The following CTNNA2 variants were observed in gnomAD, a reference collection of about 807,000 sequenced individuals.
CTNNA2 encodes the protein catenin alpha-2.
In CTNNA2, 42 loss-of-function variants were observed where a neutral mutation model predicts 101.0. That is an observed-to-expected ratio of 0.42 (90% CI 0.32 to 0.54). The LOEUF (loss-of-function observed/expected upper bound fraction) is 0.54, where lower values mean the gene tolerates loss of function less well. Ranked by LOEUF, CTNNA2 falls within the 20% of genes least tolerant of loss-of-function variation. The pLI, the probability that CTNNA2 is intolerant of heterozygous loss-of-function variation, is 0.14. For missense variants in CTNNA2, 871 were observed against 1,223.1 expected (o/e 0.71, Z 4.29); for synonymous variants, 450 against 456.4 (o/e 0.99, Z 0.18).
chr2:79,249,432 G>A (rs777642761), intron 2 of CTNNA2, among the ~76,000 whole-genome samples: 9 of 152,118 alleles, frequency 5.9e-5, no homozygotes, highest in Non-Finnish European at 1.0e-4. Flanking sequence ...TCACCTGGAC[G>A]TTAATCAAAT....
At chr2:79,982,099 C>T (rs550515852) in intron 7 of CTNNA2, among the ~76,000 whole-genome samples, 2 of 148,370 alleles carry the variant, frequency 1.3e-5, no homozygotes, top group African/African-American at 5.0e-5. Flanking sequence ...AGTGCAGTGG[C>T]ATGATCACAG....
At chr2:79,245,482 A>G (rs181641873) in intron 2 of CTNNA2, among the ~76,000 whole-genome samples, 1 of 152,170 alleles carries the variant, frequency 6.6e-6, no homozygotes, top group Non-Finnish European at 1.5e-5. Flanking sequence ...ATACCAGCAT[A>G]TACTACTTTC....
At chr2:79,933,325 C>A (rs1008873056) in intron 7 of CTNNA2, among the ~76,000 whole-genome samples, 1 of 152,116 alleles carries the variant, frequency 6.6e-6, no homozygotes, top group East Asian at 1.9e-4. Context: ...ACCTTTCTAA[C>A]AACACTGTTC....
chr2:79,422,880 C>G (rs1186689074), intron 4 of CTNNA2, among the ~76,000 whole-genome samples: 1 of 152,168 alleles, frequency 6.6e-6, no homozygotes, highest in Non-Finnish European at 1.5e-5. Context: ...CCAGCCAGAT[C>G]ATCATTAATT....
chr2:80,423,350 T>C (rs764656522), intron 9 of CTNNA2, among the ~76,000 whole-genome samples: 5 of 152,184 alleles, frequency 3.3e-5, no homozygotes, highest in Non-Finnish European at 7.4e-5. Context: ...TGCTTAAGTC[T>C]GGTTATTTTC....
At chr2:80,156,087 T>C (rs1444244827) in intron 7 of CTNNA2, among the ~76,000 whole-genome samples, 1 of 152,210 alleles carries the variant, frequency 6.6e-6, no homozygotes, top group African/African-American at 2.4e-5. Flanking sequence ...ATGTGGATGC[T>C]GTTGGTCCTG....
intron 7 of CTNNA2, among the ~76,000 whole-genome samples, chr2:80,107,749 C>T (rs369246555): frequency 6.6e-5 from 10 of 152,328 alleles, no homozygotes; most frequent in South Asian, 4.1e-4. Flanking sequence ...TGTCCATGGA[C>T]GGCAGAGCTA....
chr2:79,785,041 TCTTTCTAC>T (rs1403410287), intron 3 of CTNNA2, among the ~76,000 whole-genome samples: 1 of 152,152 alleles, frequency 6.6e-6, no homozygotes, highest in Non-Finnish European at 1.5e-5. Context: ...TATGGACATG[TCTTTCTAC>T]CTCTCTGATC....
intron 7 of CTNNA2, among the ~76,000 whole-genome samples, chr2:80,042,735 G>A (rs192774003): frequency 6.6e-6 from 1 of 152,160 alleles, no homozygotes; most frequent in Non-Finnish European, 1.5e-5. Flanking sequence ...CATTTGGAGG[G>A]GTTAGAGGGA....
Position 79,599,015 on chromosome 2 carries a change from A to T in CTNNA2, c.-5-52537A>T, listed in dbSNP as rs1244688655. Reference sequence around the variant, plus strand: ...GTCTATATCTAGACCGCTTTTTTTAATGTGAATATCCAGTTTTTCCAACAC... The same window carrying T: ...GTCTATATCTAGACCGCTTTTTTTATTGTGAATATCCAGTTTTTCCAACAC... On this transcript the variant is annotated intron_variant, in intron 1 of 18. Transcript: ENST00000402739. Among the ~76,000 whole-genome samples, 3 of 152,110 alleles carry T rather than the reference A, an allele frequency of 2.0e-5. No individual in the cohort carries two copies. The East Asian group carries it at 5.8e-4, about 29-fold the overall frequency.
At chr2:79,261,432 A>C (rs1674919846) in intron 2 of CTNNA2, among the ~76,000 whole-genome samples, 1 of 152,340 alleles carries the variant, frequency 6.6e-6, no homozygotes, top group East Asian at 1.9e-4. Context: ...TTAAGATGCA[A>C]AGTTGGTGTA....
chr2:79,705,186 C>T (rs1285690888), intron 2 of CTNNA2, among the ~76,000 whole-genome samples: 1 of 152,180 alleles, frequency 6.6e-6, no homozygotes, highest in Non-Finnish European at 1.5e-5. Flanking sequence ...AGTGCTGAGG[C>T]TGAGAAATCC....
At chr2:80,056,610 C>A (rs1697230427) in intron 7 of CTNNA2, among the ~76,000 whole-genome samples, 1 of 152,216 alleles carries the variant, frequency 6.6e-6, no homozygotes. Context: ...TGTCCTCATT[C>A]CTTTACATAC....
chr2:80,355,435 G>C (rs1172847562), intron 7 of CTNNA2, among the ~76,000 whole-genome samples: 1 of 152,166 alleles, frequency 6.6e-6, no homozygotes, highest in Non-Finnish European at 1.5e-5. Flanking sequence ...GTGATGATGA[G>C]GATGAGAGCT....
At chr2:80,253,603 T>G (rs1236486308) in intron 7 of CTNNA2, among the ~76,000 whole-genome samples, 1 of 152,290 alleles carries the variant, frequency 6.6e-6, no homozygotes, top group African/African-American at 2.4e-5. Flanking sequence ...TCACCTCTCA[T>G]GCTCCCCAAT....
intron 9 of CTNNA2, among the ~76,000 whole-genome samples, chr2:80,419,884 ACT>A (rs1680368860): frequency 6.6e-6 from 1 of 151,732 alleles, no homozygotes; most frequent in Non-Finnish European, 1.5e-5. Context: ...GTGGAAGGGA[ACT>A]CTGGAGTGCT....
intron 7 of CTNNA2, among the ~76,000 whole-genome samples, chr2:80,193,549 A>G (rs889329583): frequency 2.6e-5 from 4 of 152,222 alleles, no homozygotes; most frequent in Non-Finnish European, 5.9e-5. Context: ...CACAGAACTA[A>G]TAAGAAAAGA....
At chr2:79,745,606 C>G (rs1188590555) in intron 3 of CTNNA2, among the ~76,000 whole-genome samples, 1 of 152,162 alleles carries the variant, frequency 6.6e-6, no homozygotes, top group East Asian at 1.9e-4. Flanking sequence ...CCTGAAGCCT[C>G]TGGCAATCAC....
intron 4 of CTNNA2, among the ~76,000 whole-genome samples, chr2:79,408,728 T>C (rs1678371357): frequency 6.6e-6 from 1 of 152,144 alleles, no homozygotes; most frequent in East Asian, 1.9e-4. Context: ...GTTCCAAGTC[T>C]TTGCTATTGT....
Sources: allele counts gnomAD v4.1 joint callset (sites outside exome capture counted in the v4.1 genomes callset), GRCh38; gene constraint gnomAD v4.1.1; transcripts MANE v1.5; gene names NCBI Gene and HGNC (gene_info 2026-07-23, HGNC 2026-07-21).